The following HECW1 variants were observed in gnomAD, a reference collection of about 807,000 sequenced individuals.
HECW1 encodes the protein E3 ubiquitin-protein ligase HECW1.
Under a neutral mutation model 182.3 loss-of-function variants are expected in HECW1, and 61 were observed. That is an observed-to-expected ratio of 0.33 (90% CI 0.27 to 0.41). HECW1 has a LOEUF of 0.41. HECW1 is among the 10% of genes least tolerant of loss of function. HECW1 has a pLI of 1.00. For missense variants in HECW1, 1,739 were observed against 2,108.9 expected, an observed-to-expected ratio of 0.82 and a Z score of 3.44; for synonymous variants, 859 against 832.6, an observed-to-expected ratio of 1.03 and a Z score of -0.55.
chr7:43,256,028 G>A (rs1800530866), intron 3 of HECW1, among the ~76,000 whole-genome samples: 1 of 152,164 alleles, frequency 6.6e-6, no homozygotes, highest in Non-Finnish European at 1.5e-5. Flanking sequence ...AGTTTGTCAT[G>A]GCTAAAACTG....
chr7:43,284,132 G>C (rs1804290299), intron 3 of HECW1, among the ~76,000 whole-genome samples: 1 of 152,118 alleles, frequency 6.6e-6, no homozygotes, highest in South Asian at 2.1e-4. Context: ...CTTCTCACCT[G>C]GTTCTCTGCA....
intron 6 of HECW1, among the ~76,000 whole-genome samples, chr7:43,382,748 C>G (rs1427279898): frequency 6.6e-6 from 1 of 152,076 alleles, no homozygotes; most frequent in Non-Finnish European, 1.5e-5. Flanking sequence ...GCACATAGTT[C>G]AAAATGATGA....
chr7:43,309,864 G>C (rs892077595), intron 3 of HECW1, among the ~76,000 whole-genome samples: 2 of 152,182 alleles, frequency 1.3e-5, no homozygotes, highest in Non-Finnish European at 2.9e-5. Context: ...TCTCAGTGAG[G>C]TTTCCTTCCT....
chr7:43,445,655 G>T, intron 11 of HECW1, 85 bp downstream of exon 11: 2 of 1,439,052 alleles, frequency 1.4e-6, no homozygotes, highest in Non-Finnish European at 1.8e-6. Context: ...AAGAAGGGCG[G>T]GGGATCGGTG....
chr7:43,197,747 C>T (rs941718166), intron 2 of HECW1, among the ~76,000 whole-genome samples: 1 of 152,034 alleles, frequency 6.6e-6, no homozygotes, highest in Admixed American at 6.6e-5. Context: ...GAACACAGAC[C>T]GCTTCCAGGA....
chr7:43,252,278 C>A lies in HECW1; in HGVS notation c.27+8346C>A, dbSNP rs567221529. On this transcript the variant is annotated intron_variant, in intron 3 of 29. Transcript: ENST00000395891. ...TCCTTCCCAGGTTTCTGCCCCCAGT[C>A]AGTATCCGTGTCAGTGAGGAGTTGT... Among the ~76,000 whole-genome samples, 241 of 152,272 alleles carry A rather than the reference C, an allele frequency of 1.6e-3. 1 individual carries two copies. Among genetic ancestry groups the A allele is most frequent in the African/African-American group, 5.6e-3 (231 of 41,540 alleles).
intron 2 of HECW1, among the ~76,000 whole-genome samples, chr7:43,217,461 A>G (rs533449988): frequency 6.6e-6 from 1 of 152,222 alleles, no homozygotes; most frequent in Non-Finnish European, 1.5e-5. Context: ...TTGAATGTCT[A>G]TATCAAATTA....
chr7:43,544,806 C>T (rs999449688), intron 26 of HECW1, among the ~76,000 whole-genome samples: 4 of 152,084 alleles, frequency 2.6e-5, no homozygotes, highest in Non-Finnish European at 5.9e-5. Context: ...ACCCCAACCC[C>T]TCAATTCACA....
intron 23 of HECW1, chr7:43,508,732 C>A: frequency 7.6e-6 from 4 of 524,026 alleles, no homozygotes; most frequent in Non-Finnish European, 1.4e-5. Flanking sequence ...CTAAGGAAAG[C>A]TGCCATAAGA....
rs149667974 is a variant in HECW1 at position 43,409,824 on chromosome 7, A to G, written c.801+2093A>G. ...GTCCATTCAACCCCTAAATTGTACTACAGTTCCCAGGGTCCAAGTGTCAAT... is the reference window on the plus strand; with the variant it reads ...GTCCATTCAACCCCTAAATTGTACTGCAGTTCCCAGGGTCCAAGTGTCAAT... On this transcript the variant is annotated intron_variant, in intron 8 of 29. Transcript: ENST00000395891. Among the ~76,000 whole-genome samples the G allele has an allele frequency of 8.5e-5, 13 of 152,310 alleles. No homozygotes were observed. The East Asian group carries it at 2.5e-3, about 29-fold the overall frequency.
intron 20 of HECW1, 141 bp downstream of exon 20, chr7:43,500,923 C>T (rs1563061379): frequency 1.4e-5 from 10 of 724,716 alleles, no homozygotes; most frequent in Admixed American, 2.3e-5. Flanking sequence ...CAAGTGGGAC[C>T]CCACCCTTGT....
chr7:43,160,143 TG>T (rs1362666612), intron 2 of HECW1, among the ~76,000 whole-genome samples: 1 of 152,242 alleles, frequency 6.6e-6, no homozygotes, highest in African/African-American at 2.4e-5. Context: ...TACTGATTTG[TG>T]GGTGGCATCT....
At chr7:43,278,392 AG>A (rs1306791742) in intron 3 of HECW1, among the ~76,000 whole-genome samples, 1 of 151,988 alleles carries the variant, frequency 6.6e-6, no homozygotes, top group African/African-American at 2.4e-5. Context: ...GCACATCCGC[AG>A]CTCCCACCCT....
chr7:43,241,612 A>ATGTGTGTGTGTG (rs1437778475), intron 2 of HECW1: 2 of 114,980 alleles, frequency 1.7e-5, no homozygotes, highest in African/African-American at 7.2e-5. Flanking sequence ...TACTCTCCTA[A>ATGTGTGTGTGTG]TGTATGTGTG....
chr7:43,563,637 G>A lies in HECW1; in HGVS notation c.*1711G>A, dbSNP rs1372588874. On this transcript the variant is annotated 3_prime_UTR_variant, in exon 30 of 30. Transcript: ENST00000395891. The stretch of plus-strand genomic sequence containing the variant: ...TAATCCCAGCACTTTGGGAGGCCGA[G>A]GTGGGGAGATCGCTTGAGGTCAGGA... The A allele has an allele frequency of 7.8e-5, 14 of 180,592 alleles. No homozygotes were observed. In the East Asian group the frequency reaches 1.2e-3, roughly 15 times the overall value. The allele number at this position is 180,592 out of a possible 1,614,324, so 11.2% of individuals were successfully genotyped here. A position where few individuals can be genotyped will look rare whatever the true frequency, so the allele number is the denominator to read the frequency against.
intron 2 of HECW1, among the ~76,000 whole-genome samples, chr7:43,159,384 C>G (rs1371361409): frequency 6.9e-6 from 1 of 145,736 alleles, no homozygotes; most frequent in African/African-American, 2.5e-5. Context: ...CACCCTGTGT[C>G]CAAGTGATCT....
intron 12 of HECW1, among the ~76,000 whole-genome samples, chr7:43,454,315 G>T (rs975461088): frequency 6.6e-6 from 1 of 152,096 alleles, no homozygotes; most frequent in Non-Finnish European, 1.5e-5. Flanking sequence ...AAAGACTAAT[G>T]CTCATTTTTT....
chr7:43,522,420 C>T (rs190206620), intron 24 of HECW1: 3 of 152,370 alleles, frequency 2.0e-5, no homozygotes, highest in Non-Finnish European at 2.9e-5. Flanking sequence ...CTTCCCAAGA[C>T]AGTTGCCTCC....
intron 5 of HECW1, among the ~76,000 whole-genome samples, chr7:43,343,793 C>G (rs1440393713): frequency 1.3e-5 from 2 of 151,824 alleles, no homozygotes; most frequent in South Asian, 2.1e-4. Flanking sequence ...GTAATGGGGT[C>G]AAATGGTATT....
Sources: gnomAD v4.1 joint callset for allele counts (sites outside exome capture counted in the v4.1 genomes callset) on GRCh38, gnomAD v4.1.1 for gene constraint, MANE v1.5 for transcripts, NCBI Gene and HGNC (gene_info 2026-07-23, HGNC 2026-07-21) for gene names.